The following SLC2A9 variants were observed in gnomAD, a reference collection of about 807,000 sequenced individuals.
SLC2A9 encodes solute carrier family 2, facilitated glucose transporter member 9.
SLC2A9 carries 39 observed loss-of-function variants against 50.6 expected under a neutral mutation model. That is an observed-to-expected ratio of 0.77 (90% CI 0.60 to 1.01). The LOEUF (loss-of-function observed/expected upper bound fraction) is 1.01, where lower values mean the gene tolerates loss of function less well. Ranked by LOEUF, SLC2A9 falls within the 50% of genes least tolerant of loss-of-function variation. The pLI, the probability that SLC2A9 is intolerant of heterozygous loss-of-function variation, is 0.00. For synonymous variants in SLC2A9, 324 were observed against 276.9 expected (o/e 1.17, Z -1.69); for missense variants, 686 against 677.6 (o/e 1.01, Z -0.14).
chr4:9,795,358 T>C (rs1720472317), downstream of SLC2A9, among the ~76,000 whole-genome samples: 1 of 152,134 alleles, frequency 6.6e-6, no homozygotes, highest in South Asian at 2.1e-4. Flanking sequence ...CTGCTGTCCT[T>C]ACCTTGCTGT....
intron 1 of SLC2A9, among the ~76,000 whole-genome samples, chr4:9,773,148 G>A (rs572428363): frequency 1.3e-5 from 2 of 152,316 alleles, no homozygotes; most frequent in East Asian, 1.9e-4. Flanking sequence ...CTGGGAAGAG[G>A]GACTGAGCTT....
intron 2 of SLC2A9, among the ~76,000 whole-genome samples, chr4:10,015,953 G>C (rs1762536804): frequency 1.3e-5 from 2 of 152,194 alleles, no homozygotes; most frequent in African/African-American, 4.8e-5. Flanking sequence ...AGCACATGCT[G>C]GGAAGTAGCT....
At chr4:9,778,277 G>T (rs1050655557), downstream of SLC2A9, among the ~76,000 whole-genome samples, 2 of 151,908 alleles carry the variant, frequency 1.3e-5, no homozygotes, top group South Asian at 4.2e-4. Flanking sequence ...ATCCCACCAC[G>T]CCTGGCTAAT....
At chr4:9,972,218 T>C (rs1754018867) in intron 5 of SLC2A9, among the ~76,000 whole-genome samples, 1 of 152,204 alleles carries the variant, frequency 6.6e-6, no homozygotes, top group Non-Finnish European at 1.5e-5. Context: ...TCAAAGTTAA[T>C]CATTCTTATC....
At chr4:9,796,082 A>G (rs527476094), downstream of SLC2A9, among the ~76,000 whole-genome samples, 2 of 152,350 alleles carry the variant, frequency 1.3e-5, no homozygotes, top group South Asian at 4.1e-4. Flanking sequence ...ATTCAGACCC[A>G]TAAGTGAGAC....
chr4:9,818,706 T>A (rs2109029595), intron 3 of SLC2A9, among the ~76,000 whole-genome samples: 1 of 152,358 alleles, frequency 6.6e-6, no homozygotes, highest in African/African-American at 2.4e-5. Context: ...GAAGTCCCTG[T>A]CACGATTATT....
chr4:9,782,730 T>G, intron 3 of SLC2A9: 1 of 1,614,002 alleles, frequency 6.2e-7, no homozygotes, highest in South Asian at 1.1e-5. Context: ...CTCATCAGCT[T>G]CTACATCCCC....
intron 8 of SLC2A9, among the ~76,000 whole-genome samples, chr4:9,896,006 T>A (rs1229673595): frequency 2.0e-5 from 3 of 152,262 alleles, no homozygotes; most frequent in Non-Finnish European, 4.4e-5. Context: ...AAAATTTGTT[T>A]CTCCATTCAC....
intron 5 of SLC2A9, among the ~76,000 whole-genome samples, chr4:9,966,218 C>T (rs1753032744): frequency 6.6e-6 from 1 of 152,092 alleles, no homozygotes. Flanking sequence ...CTCATATGTA[C>T]GAAAGCCTTA....
chr4:9,913,326 TGTGTGA>T (rs748622105), intron 7 of SLC2A9, among the ~76,000 whole-genome samples: 178 of 129,794 alleles, frequency 1.4e-3, no homozygotes, highest in African/African-American at 4.7e-3. Context: ...TGTGTGTGTG[TGTGTGA>T]GAGAGAGAGA....
At chr4:9,865,901 G>T (rs1362979051) in intron 10 of SLC2A9, among the ~76,000 whole-genome samples, 1 of 152,210 alleles carries the variant, frequency 6.6e-6, no homozygotes, top group Non-Finnish European at 1.5e-5. Context: ...CGGGGCCCAT[G>T]ATTTGCCATT....
At chr4:9,797,714 G>A (rs902308500), downstream of SLC2A9, among the ~76,000 whole-genome samples, 2 of 152,188 alleles carry the variant, frequency 1.3e-5, no homozygotes, top group African/African-American at 2.4e-5. Flanking sequence ...AAACTTCTCT[G>A]ATTCCCTAGC....
chr4:9,935,481 G>A lies in SLC2A9; in HGVS notation c.814+6432C>T, dbSNP rs145256361. Among the ~76,000 whole-genome samples, 14 of 152,310 alleles carry A rather than the reference G, an allele frequency of 9.2e-5. No individual in the cohort carries two copies. In the East Asian group the frequency reaches 2.7e-3, roughly 29 times the overall value. On this transcript the variant is annotated intron_variant, in intron 6 of 11. Transcript: ENST00000264784. ...CCCTGCCCCTATGTGCCCTGGTTCT[G>A]ACCTCAGAACCTGGAGCTGAGCTGG... is the stretch of plus-strand genomic sequence containing the variant.
chr4:9,959,586 T>G (rs1420040099), intron 5 of SLC2A9, among the ~76,000 whole-genome samples: 2 of 152,108 alleles, frequency 1.3e-5, no homozygotes. Flanking sequence ...ACAGGGAGCT[T>G]GAGGGGGTGG....
At chr4:10,034,062 G>T (rs1313498581) in intron 1 of SLC2A9, among the ~76,000 whole-genome samples, 1 of 152,232 alleles carries the variant, frequency 6.6e-6, no homozygotes, top group Admixed American at 6.5e-5. Flanking sequence ...ATCTGAGCCA[G>T]TCCTGACATA....
chr4:9,836,703 G>C (rs2109167669), intron 10 of SLC2A9, among the ~76,000 whole-genome samples: 1 of 152,362 alleles, frequency 6.6e-6, no homozygotes, highest in East Asian at 1.9e-4. Flanking sequence ...CTATGCAGCA[G>C]TTGAGGTGAT....
At chr4:9,802,696 T>C (rs1326714508) in intron 3 of SLC2A9, among the ~76,000 whole-genome samples, 3 of 151,940 alleles carry the variant, frequency 2.0e-5, no homozygotes, top group East Asian at 1.9e-4. Context: ...GTAGCTGAGA[T>C]TACAGGTGCC....
At chr4:10,006,661 A>G (rs1760832155) in intron 2 of SLC2A9, 1 of 152,112 alleles carries the variant, frequency 6.6e-6, no homozygotes, top group Non-Finnish European at 1.5e-5. Flanking sequence ...AGCACGCCTG[A>G]GACTTCTCTT....
At chr4:9,805,997 C>T (rs796829469) in intron 3 of SLC2A9, among the ~76,000 whole-genome samples, 3 of 152,152 alleles carry the variant, frequency 2.0e-5, no homozygotes, top group South Asian at 4.1e-4. Context: ...TGGACTTGAA[C>T]CTAGGCTCTC....
Sources: gnomAD v4.1 joint callset for allele counts (sites outside exome capture counted in the v4.1 genomes callset) on GRCh38, gnomAD v4.1.1 for gene constraint, MANE v1.5 for transcripts, NCBI Gene and HGNC (gene_info 2026-07-23, HGNC 2026-07-21) for gene names.